RANBP17: variants seen among roughly 807,000 people sequenced by gnomAD.
RANBP17 encodes ran-binding protein 17.
RANBP17 carries 158 observed loss-of-function variants against 141.2 expected under a neutral mutation model. The ratio of observed to expected loss-of-function variants is 1.12; its 90% confidence interval spans 0.98 to 1.28. RANBP17 has a LOEUF of 1.28. RANBP17 is among the 50% of genes most tolerant of loss of function. The pLI, the probability that RANBP17 is intolerant of heterozygous loss-of-function variation, is 0.00. For missense variants in RANBP17, 1,438 were observed against 1,290.7 expected (o/e 1.11, Z -1.75); for synonymous variants, 430 against 450.0 (o/e 0.96, Z 0.56).
chr5:170,977,759 A>G (rs1777484420), intron 14 of RANBP17, among the ~76,000 whole-genome samples: 1 of 152,108 alleles, frequency 6.6e-6, no homozygotes, highest in African/African-American at 2.4e-5. Flanking sequence ...CAAATACCAC[A>G]TGATTCCAGT....
At chr5:171,188,876 T>C (rs1761443186) in intron 18 of RANBP17, among the ~76,000 whole-genome samples, 1 of 152,218 alleles carries the variant, frequency 6.6e-6, no homozygotes, top group African/African-American at 2.4e-5. Flanking sequence ...AGAAAGACAT[T>C]GCACACTTTT....
intron 12 of RANBP17, among the ~76,000 whole-genome samples, chr5:170,935,202 G>A (rs1024247870): frequency 3.9e-5 from 6 of 152,094 alleles, no homozygotes; most frequent in Non-Finnish European, 5.9e-5. Context: ...TTAGCCATTC[G>A]TCTACTCTTT....
chr5:171,245,129 C>CA (rs953578587), intron 24 of RANBP17, among the ~76,000 whole-genome samples: 20 of 142,924 alleles, frequency 1.4e-4, no homozygotes, highest in South Asian at 4.5e-4. Flanking sequence ...ACTCTGTCTC[C>CA]AAAAAAAAAA....
intron 16 of RANBP17, among the ~76,000 whole-genome samples, chr5:171,173,394 A>G (rs1760231290): frequency 6.6e-6 from 1 of 152,056 alleles, no homozygotes; most frequent in Admixed American, 6.6e-5. Flanking sequence ...CTGTTTATAT[A>G]TTAATATTCA....
chr5:171,233,218 AAAAG>A (rs1215626869), intron 22 of RANBP17, among the ~76,000 whole-genome samples: 2 of 152,320 alleles, frequency 1.3e-5, no homozygotes, highest in African/African-American at 2.4e-5. Flanking sequence ...GTGCTATTAA[AAAAG>A]AAAGAAAGAA....
At position 171,271,075 on chromosome 5, in the gene RANBP17, C is replaced by CTTTTTTTTTTTTTTTTTTTTTTTTTTT. The variant is rs531200106; in HGVS notation, c.2943+5245_2943+5271dup. 5 of 27,538 alleles carry CTTTTTTTTTTTTTTTTTTTTTTTTTTT rather than the reference C, an allele frequency of 1.8e-4. 2 individuals are homozygous for CTTTTTTTTTTTTTTTTTTTTTTTTTTT. The highest frequency in any genetic ancestry group is 2.7e-4 in the Non-Finnish European group (4 of 14,666). 1.7% of individuals were successfully genotyped at this position (27,538 alleles called of 1,614,324 possible). A position where few individuals can be genotyped will look rare whatever the true frequency, so the allele number is the denominator to read the frequency against. ...TTTCTCCCTCCTTTTTATGTTATTT[C>CTTTTTTTTTTTTTTTTTTTTTTTTTTT]TTTTTTTTTTTTTTTTTTTTTTTTT... On this transcript the variant is annotated intron_variant, in intron 25 of 27. Transcript: ENST00000523189.
intron 14 of RANBP17, among the ~76,000 whole-genome samples, chr5:171,119,822 C>T (rs2127771197): frequency 6.6e-6 from 1 of 152,036 alleles, no homozygotes; most frequent in East Asian, 1.9e-4. Context: ...GGAGGATCAC[C>T]TGAGGTCAGG....
At chr5:171,066,105 G>C (rs894382159) in intron 14 of RANBP17, among the ~76,000 whole-genome samples, 5 of 151,948 alleles carry the variant, frequency 3.3e-5, no homozygotes, top group African/African-American at 1.2e-4. Flanking sequence ...CAAGTGATCT[G>C]CCCACCTCGG....
chr5:170,919,489 C>T lies in RANBP17; in HGVS notation c.1150C>T (p.Gln384Ter). ...TGTTCATTATTTATTAACTCTGTGG[C>T]AAAGGATGGTAGCATCTGTTCCTTT... ...NSVHYLLTLW[Q>*]RMVASVPFVK... is the part of the protein sequence containing the mutation. Residue 384 changes from glutamine (Q) to a stop codon, truncating the protein, a stop_gained, in exon 11 of 28, where the codon CAA (glutamine) becomes TAA (stop). Transcript: ENST00000523189. LOFTEE classifies it high-confidence loss of function. The T allele has an allele frequency of 4.4e-6, 7 of 1,609,154 alleles. No homozygotes were observed. Among genetic ancestry groups the T allele is most frequent in the Non-Finnish European group, 5.9e-6 (7 of 1,178,018 alleles).
At chr5:171,129,048 A>T (rs1410628374) in intron 14 of RANBP17, among the ~76,000 whole-genome samples, 1 of 152,134 alleles carries the variant, frequency 6.6e-6, no homozygotes, top group Non-Finnish European at 1.5e-5. Flanking sequence ...CTCCTCAAGG[A>T]TAGGCACTCT....
intron 12 of RANBP17, among the ~76,000 whole-genome samples, chr5:170,941,912 A>G (rs1051840327): frequency 1.3e-5 from 2 of 152,170 alleles, no homozygotes; most frequent in Non-Finnish European, 2.9e-5. Context: ...GAACCGTCAC[A>G]TGTGTCCTCT....
intron 14 of RANBP17, among the ~76,000 whole-genome samples, chr5:171,103,086 CA>C (rs1476116908): frequency 2.0e-5 from 3 of 152,180 alleles, no homozygotes; most frequent in Non-Finnish European, 4.4e-5. Flanking sequence ...GTCAGGGACC[CA>C]CTTGAGGAGA....
In RANBP17 at chr5:170,911,066, T is replaced by C. The variant is rs139981430; in HGVS notation, c.692T>C (p.Ile231Thr). The change falls in exon 7 of 28, where the codon ATT becomes ACT. Residue 231 changes from isoleucine to threonine, a missense_variant. Physicochemically the swap from Ile to Thr is moderately conservative, Grantham distance 89 (BLOSUM62 -1). Coordinates refer to ENST00000523189, the MANE Select transcript of RANBP17 (RefSeq NM_022897.5). ...CTTAACTGCCTTAACTTTGACTTCATTGGCAGTTCAGCAGATGAATCTGCA... is the reference window on the plus strand; with the variant it reads ...CTTAACTGCCTTAACTTTGACTTCACTGGCAGTTCAGCAGATGAATCTGCA... ...LVLNCLNFDF[I>T]GSSADESADD... The C allele has an allele frequency of 2.7e-3, 4,320 of 1,612,076 alleles. 29 individuals are homozygous for C. In the Middle Eastern group the frequency reaches 0.034, roughly 13 times the overall value.
intron 14 of RANBP17, among the ~76,000 whole-genome samples, chr5:171,011,708 C>A (rs1780048467): frequency 6.6e-6 from 1 of 151,786 alleles, no homozygotes; most frequent in East Asian, 1.9e-4. Flanking sequence ...TATATACCTC[C>A]TGAGAACAAG....
At chr5:171,134,781 C>T (rs896823265) in intron 14 of RANBP17, among the ~76,000 whole-genome samples, 4 of 150,892 alleles carry the variant, frequency 2.7e-5, no homozygotes, top group Admixed American at 6.6e-5. Context: ...ATTGACTGGG[C>T]GTTGGTGGCT....
intron 20 of RANBP17, 37 bp downstream of exon 20, chr5:171,205,649 C>T (rs1055597728): frequency 1.3e-6 from 2 of 1,515,898 alleles, no homozygotes; most frequent in African/African-American, 1.4e-5. Flanking sequence ...CAGCTCTGTG[C>T]ACAGAGGGAT....
intron 14 of RANBP17, among the ~76,000 whole-genome samples, chr5:171,083,865 C>A (rs1290135070): frequency 6.6e-6 from 1 of 152,094 alleles, no homozygotes; most frequent in Non-Finnish European, 1.5e-5. Flanking sequence ...ACGTGCCTTT[C>A]ACCTTTTGCC....
At chr5:170,943,928 A>G (rs1370072300) in intron 12 of RANBP17, among the ~76,000 whole-genome samples, 1 of 152,178 alleles carries the variant, frequency 6.6e-6, no homozygotes, top group African/African-American at 2.4e-5. Context: ...ATTACTAACT[A>G]TAGTCCTCAT....
At chr5:170,947,610 C>T (rs1208260003) in intron 12 of RANBP17, among the ~76,000 whole-genome samples, 1 of 152,100 alleles carries the variant, frequency 6.6e-6, no homozygotes, top group Non-Finnish European at 1.5e-5. Context: ...TGGTTCTCTT[C>T]AGGGGTCTTT....
Sources: allele counts gnomAD v4.1 joint callset (sites outside exome capture counted in the v4.1 genomes callset), GRCh38; gene constraint gnomAD v4.1.1; transcripts MANE v1.5; gene names NCBI Gene and HGNC (gene_info 2026-07-23, HGNC 2026-07-21).